The following DGKI variants were observed in gnomAD, a reference collection of about 807,000 sequenced individuals.
DGKI encodes diacylglycerol kinase iota, also known as DAG kinase iota.
In DGKI, 55 loss-of-function variants were observed where a neutral mutation model predicts 147.5. That is an observed-to-expected ratio of 0.37 (90% confidence interval 0.30 to 0.47). The LOEUF (loss-of-function observed/expected upper bound fraction) is 0.47, where lower values mean the gene tolerates loss of function less well. DGKI is among the 20% of genes least tolerant of loss of function. The pLI is 1.00. For synonymous variants in DGKI, 469 were observed against 477.1 expected (o/e 0.98, Z 0.22); for missense variants, 1,007 against 1,323.8 (o/e 0.76, Z 3.71).
chr7:137,451,639 G>C (rs918680144), intron 27 of DGKI, among the ~76,000 whole-genome samples: 2 of 152,132 alleles, frequency 1.3e-5, no homozygotes, highest in Non-Finnish European at 2.9e-5. Flanking sequence ...ATCGTTTTTA[G>C]TCAATAAACC....
intron 1 of DGKI, among the ~76,000 whole-genome samples, chr7:137,778,598 T>TA (rs201060028): frequency 6.7e-4 from 97 of 145,154 alleles, no homozygotes; most frequent in African/African-American, 1.3e-3. Context: ...TCTGGACAAT[T>TA]AAAAAAAAAA....
chr7:137,528,134 A>T (rs1342203814), intron 20 of DGKI, among the ~76,000 whole-genome samples: 1 of 152,198 alleles, frequency 6.6e-6, no homozygotes, highest in African/African-American at 2.4e-5. Flanking sequence ...TTGGCATTGG[A>T]GCATTTCTGA....
intron 30 of DGKI, among the ~76,000 whole-genome samples, chr7:137,407,350 C>G (rs779444420): frequency 1.3e-5 from 2 of 152,114 alleles, no homozygotes; most frequent in Non-Finnish European, 2.9e-5. Context: ...TTAGTATGAT[C>G]TGCCACAGAC....
chr7:137,665,316 C>T (rs534022510), intron 3 of DGKI, among the ~76,000 whole-genome samples: 1 of 152,316 alleles, frequency 6.6e-6, no homozygotes, highest in East Asian at 1.9e-4. Flanking sequence ...CAGCCCCACA[C>T]CAGCCTCCAC....
At chr7:137,400,751 T>TA (rs367684636) in intron 30 of DGKI, among the ~76,000 whole-genome samples, 132 of 149,126 alleles carry the variant, frequency 8.9e-4, no homozygotes, top group African/African-American at 2.6e-3. Context: ...AATTAATATC[T>TA]AAAAAAAAAA....
intron 8 of DGKI, among the ~76,000 whole-genome samples, chr7:137,613,234 C>A (rs183917200): frequency 8.3e-4 from 126 of 152,066 alleles, no homozygotes; most frequent in Non-Finnish European, 1.5e-3. Context: ...AGTCTCCCCC[C>A]CATCATATAC....
chr7:137,775,754 C>T (rs1222821650), intron 1 of DGKI, among the ~76,000 whole-genome samples: 3 of 152,062 alleles, frequency 2.0e-5, no homozygotes, highest in African/African-American at 4.8e-5. Context: ...GTAGGGAACT[C>T]GATAGATAAA....
intron 1 of DGKI, among the ~76,000 whole-genome samples, chr7:137,801,969 A>G (rs1407491389): frequency 6.6e-6 from 1 of 152,176 alleles, no homozygotes; most frequent in African/African-American, 2.4e-5. Flanking sequence ...ACAATTGGCA[A>G]TTGCAAAAAT....
At position 137,730,700 on chromosome 7, in the gene DGKI, T is replaced by C. The variant is rs75159817; in HGVS notation, c.402-40698A>G. The stretch of plus-strand genomic sequence containing the variant: ...GCATGAAACCAGCCAGACAAGATAA[T>C]GAACACATCCATCACCCCGCAAAAT... On this transcript the variant is annotated intron_variant, in intron 1 of 32. Transcript: ENST00000614521. 1.5e-4 allele frequency among the ~76,000 whole-genome samples: 23 copies of C among 152,178 alleles called. No individual in the cohort carries two copies. The East Asian group carries it at 4.4e-3, about 29-fold the overall frequency.
chr7:137,795,055 A>G (rs1380730718), intron 1 of DGKI, among the ~76,000 whole-genome samples: 1 of 152,220 alleles, frequency 6.6e-6, no homozygotes, highest in African/African-American at 2.4e-5. Flanking sequence ...CCACCTAGGA[A>G]AAAGAAGCAC....
At chr7:137,490,426 T>A (rs555244020) in intron 21 of DGKI, among the ~76,000 whole-genome samples, 1 of 152,316 alleles carries the variant, frequency 6.6e-6, no homozygotes, top group African/African-American at 2.4e-5. Flanking sequence ...CTTTTCACTA[T>A]CTTTTGAGCA....
At position 137,508,223 on chromosome 7, in the gene DGKI, T is replaced by G. The variant is rs1031981610; in HGVS notation, c.2248+13643A>C. On this transcript the variant is annotated intron_variant, in intron 21 of 32. Transcript: ENST00000614521. Reference sequence around the variant, plus strand: ...GATGGAACTTTAGACAGGTTTCTTTTTTTTTTTTTTTTTTTTTTTTTTGAG... The same window carrying G: ...GATGGAACTTTAGACAGGTTTCTTTGTTTTTTTTTTTTTTTTTTTTTTGAG... Among the ~76,000 whole-genome samples the G allele has an allele frequency of 1.5e-3, 200 of 135,312 alleles. 1 individual carries two copies. The highest frequency in any genetic ancestry group is 2.8e-3 in the Non-Finnish European group (175 of 62,946). The allele number at this position is 135,312 out of a possible 152,430, so 88.8% of individuals were successfully genotyped here.
chr7:137,673,940 CACAA>C (rs1218113928), intron 3 of DGKI, among the ~76,000 whole-genome samples: 1 of 152,104 alleles, frequency 6.6e-6, no homozygotes, highest in Non-Finnish European at 1.5e-5. Flanking sequence ...CAACCCAGCT[CACAA>C]ACACTGACAG....
At chr7:137,686,489 T>C (rs1178740544) in intron 2 of DGKI, among the ~76,000 whole-genome samples, 5 of 152,176 alleles carry the variant, frequency 3.3e-5, no homozygotes, top group East Asian at 1.9e-4. Context: ...AATGAGCCCA[T>C]GTGGGACAGA....
At chr7:137,723,273 G>C (rs1794620656) in intron 1 of DGKI, among the ~76,000 whole-genome samples, 1 of 152,176 alleles carries the variant, frequency 6.6e-6, no homozygotes, top group African/African-American at 2.4e-5. Flanking sequence ...GCACTAAAGT[G>C]ACTTTATTCA....
intron 1 of DGKI, among the ~76,000 whole-genome samples, chr7:137,698,095 G>GAT (rs1319098095): frequency 6.7e-6 from 1 of 149,148 alleles, no homozygotes; most frequent in Non-Finnish European, 1.5e-5. Context: ...TATATAGAGA[G>GAT]ATATATATAA....
chr7:137,513,839 T>G, intron 21 of DGKI: 1 of 692,256 alleles, frequency 1.4e-6, no homozygotes, highest in Non-Finnish European at 2.6e-6. Flanking sequence ...TAGCGCCATT[T>G]TTTTGGAAAC....
intron 21 of DGKI, among the ~76,000 whole-genome samples, chr7:137,491,502 T>C (rs575729359): frequency 9.8e-5 from 15 of 152,364 alleles, no homozygotes; most frequent in South Asian, 4.1e-4. Flanking sequence ...AAGACCTGCA[T>C]TCCATATTTC....
At chr7:137,613,601 C>CA (rs931685510) in intron 8 of DGKI, among the ~76,000 whole-genome samples, 81 of 151,092 alleles carry the variant, frequency 5.4e-4, no homozygotes, top group Non-Finnish European at 1.0e-3. Flanking sequence ...AGAGATAAAC[C>CA]AAAAAAAGGG....
Sources: allele counts gnomAD v4.1 joint callset (sites outside exome capture counted in the v4.1 genomes callset), GRCh38; gene constraint gnomAD v4.1.1; transcripts MANE v1.5; gene names NCBI Gene and HGNC (gene_info 2026-07-23, HGNC 2026-07-21).